The following ZMIZ1 variants were observed in gnomAD, a reference collection of about 807,000 sequenced individuals.
ZMIZ1 encodes the protein zinc finger MIZ-type containing 1.
ZMIZ1 carries 17 observed loss-of-function variants against 113.9 expected under a neutral mutation model. The observed-to-expected ratio is 0.15, with a 90% CI of 0.10 to 0.22. The LOEUF is 0.22. Among genes scored for constraint, ZMIZ1 ranks in the 10% least tolerant of loss-of-function variants. ZMIZ1 has a pLI of 1.00. For synonymous variants in ZMIZ1, 607 were observed against 603.1 expected, an observed-to-expected ratio of 1.01 and a Z score of -0.09; for missense variants, 1,059 against 1,477.8, an observed-to-expected ratio of 0.72 and a Z score of 4.65.
chr10:79,183,917 T>G (rs538629555), intron 4 of ZMIZ1, among the ~76,000 whole-genome samples: 2 of 152,298 alleles, frequency 1.3e-5, no homozygotes, highest in South Asian at 4.1e-4. Context: ...CTCTGTGAAC[T>G]TGGACATACT....
At chr10:79,123,187 T>C (rs1286337180) in intron 2 of ZMIZ1, among the ~76,000 whole-genome samples, 1 of 152,072 alleles carries the variant, frequency 6.6e-6, no homozygotes, top group Admixed American at 6.5e-5. Flanking sequence ...AACTGTTCCA[T>C]ATGGCTGGCA....
chr10:79,282,670 T>TGG lies in ZMIZ1; in HGVS notation c.425+5349_425+5350dup, dbSNP rs954769500. On this transcript the variant is annotated intron_variant, in intron 8 of 24. Coordinates refer to ENST00000334512, the MANE Select transcript of ZMIZ1 (RefSeq NM_020338.4). ...TCTTGGCCTCGTGGTTCCCTGCTGA[T>TGG]GGGGGACATGGTGCCGCATGAGCAG... is the stretch of plus-strand genomic sequence containing the variant. 4.9e-4 allele frequency among the ~76,000 whole-genome samples: 74 copies of TGG among 152,316 alleles called. 1 individual carries two copies. Among genetic ancestry groups the TGG allele is most frequent in the African/African-American group, 1.7e-3 (69 of 41,570 alleles).
intron 3 of ZMIZ1, among the ~76,000 whole-genome samples, chr10:79,150,927 G>A (rs1262664279): frequency 6.6e-6 from 1 of 151,962 alleles, no homozygotes; most frequent in Non-Finnish European, 1.5e-5. Flanking sequence ...CCTCCTGGTG[G>A]GTGCTCTCTG....
intron 8 of ZMIZ1, among the ~76,000 whole-genome samples, chr10:79,283,367 T>C (rs1039989932): frequency 1.3e-5 from 2 of 152,168 alleles, no homozygotes; most frequent in Non-Finnish European, 2.9e-5. Flanking sequence ...GGTTTCCTCA[T>C]CTGTAGAAGG....
intron 1 of ZMIZ1, among the ~76,000 whole-genome samples, chr10:79,115,808 G>C (rs1473660954): frequency 1.3e-5 from 2 of 152,242 alleles, no homozygotes; most frequent in Non-Finnish European, 2.9e-5. Flanking sequence ...CTCACCTGAG[G>C]TTGGATGGGG....
At chr10:79,211,505 A>G (rs1219797750) in intron 6 of ZMIZ1, among the ~76,000 whole-genome samples, 1 of 152,112 alleles carries the variant, frequency 6.6e-6, no homozygotes, top group Non-Finnish European at 1.5e-5. Context: ...CCCCGGGGTG[A>G]CCTCTGGAAG....
rs367668686 is a variant in ZMIZ1, at chr10:79,306,283, G to T, written c.2607G>T (p.Pro869=). Residue 869 remains proline (P), a synonymous_variant, in exon 22 of 25, where the codon CCG becomes CCT. Transcript: ENST00000334512. The part of the protein sequence containing the change: ...MEMIAALGPG[P]SPYPLPPPPG... ...TGATCGCAGCCCTGGGCCCCGGCCC[G>T]TCCCCCTATCCCCTCCCGCCTCCCC... 2 of 1,613,666 alleles carry T rather than the reference G, an allele frequency of 1.2e-6. No individual in the cohort carries two copies. Among genetic ancestry groups the T allele is most frequent in the Non-Finnish European group, 1.7e-6 (2 of 1,179,982 alleles).
intron 4 of ZMIZ1, among the ~76,000 whole-genome samples, chr10:79,197,086 A>G (rs767888913): frequency 8.5e-5 from 13 of 152,232 alleles, no homozygotes; most frequent in Non-Finnish European, 1.5e-4. Context: ...CCTGGTGGGC[A>G]GTGGCCTGCC....
At chr10:79,077,907 A>G (rs1453493207) in intron 1 of ZMIZ1, among the ~76,000 whole-genome samples, 1 of 152,224 alleles carries the variant, frequency 6.6e-6, no homozygotes, top group Non-Finnish European at 1.5e-5. Context: ...CCTCTGATTT[A>G]CAGATGAGAC....
intron 7 of ZMIZ1, among the ~76,000 whole-genome samples, chr10:79,272,112 T>A (rs978211918): frequency 4.0e-5 from 6 of 151,744 alleles, no homozygotes; most frequent in African/African-American, 1.2e-4. Context: ...CTACCAAAAA[T>A]ATATATATAT....
intron 2 of ZMIZ1, among the ~76,000 whole-genome samples, chr10:79,129,594 T>A (rs1564668119): frequency 6.6e-6 from 1 of 152,194 alleles, no homozygotes; most frequent in Non-Finnish European, 1.5e-5. Context: ...GGGGCATGAC[T>A]CATGCCTGGT....
chr10:79,086,516 T>G (rs1842818020), intron 1 of ZMIZ1, among the ~76,000 whole-genome samples: 1 of 152,232 alleles, frequency 6.6e-6, no homozygotes, highest in South Asian at 2.1e-4. Context: ...TTTTTATTAC[T>G]TCATTTTATT....
chr10:79,240,227 A>G (rs1464873377), intron 7 of ZMIZ1, among the ~76,000 whole-genome samples: 2 of 152,208 alleles, frequency 1.3e-5, no homozygotes. Flanking sequence ...CCCTGGGGCT[A>G]TGCCCCCCTT....
chr10:79,216,109 G>C, intron 6 of ZMIZ1, 60 bp from the exon 7 acceptor site: 2 of 1,268,316 alleles, frequency 1.6e-6, no homozygotes, highest in Non-Finnish European at 2.1e-6. Context: ...CTGCAAAATG[G>C]GCATATCCAT....
intron 4 of ZMIZ1, among the ~76,000 whole-genome samples, chr10:79,162,868 G>A (rs1028168055): frequency 3.3e-5 from 5 of 152,158 alleles, no homozygotes; most frequent in African/African-American, 1.2e-4. Flanking sequence ...GCCTGATAAG[G>A]GGGGCAGGGC....
chr10:79,171,954 A>G (rs1846618520), intron 4 of ZMIZ1, among the ~76,000 whole-genome samples: 1 of 152,212 alleles, frequency 6.6e-6, no homozygotes, highest in Non-Finnish European at 1.5e-5. Flanking sequence ...GTGAATGACC[A>G]GCACAGAGCA....
chr10:79,250,625 T>C (rs1188292537), intron 7 of ZMIZ1, among the ~76,000 whole-genome samples: 2 of 152,252 alleles, frequency 1.3e-5, no homozygotes, highest in Non-Finnish European at 2.9e-5. Context: ...CAAGGACTTC[T>C]TCCTTGAGGT....
intron 3 of ZMIZ1, among the ~76,000 whole-genome samples, chr10:79,161,749 C>T (rs956085311): frequency 6.6e-6 from 1 of 152,214 alleles, no homozygotes; most frequent in African/African-American, 2.4e-5. Flanking sequence ...TGAGTGAATG[C>T]GAAGTGCCTT....
chr10:79,144,744 G>A (rs547766499), intron 3 of ZMIZ1, among the ~76,000 whole-genome samples: 3 of 152,354 alleles, frequency 2.0e-5, no homozygotes, highest in African/African-American at 7.2e-5. Context: ...TTAATTTGCA[G>A]TGTTATGTAA....
Sources: gnomAD v4.1 joint callset for allele counts (sites outside exome capture counted in the v4.1 genomes callset) on GRCh38, gnomAD v4.1.1 for gene constraint, MANE v1.5 for transcripts, NCBI Gene and HGNC (gene_info 2026-07-23, HGNC 2026-07-21) for gene names.